PKNOX2: variants seen among roughly 807,000 people sequenced by gnomAD.
PKNOX2 encodes the protein homeobox protein PKNOX2.
Under a neutral mutation model 53.1 loss-of-function variants are expected in PKNOX2, and 14 were observed. That is an observed-to-expected ratio of 0.26 (90% CI 0.17 to 0.41). PKNOX2 has a LOEUF of 0.41. PKNOX2 is among the 10% of genes least tolerant of loss of function. The pLI is 1.00. For missense variants in PKNOX2, 496 were observed against 602.8 expected (o/e 0.82, Z 1.85); for synonymous variants, 257 against 242.8 (o/e 1.06, Z -0.54).
At chr11:125,340,450 T>C (rs1349844289) in intron 3 of PKNOX2, among the ~76,000 whole-genome samples, 1 of 152,188 alleles carries the variant, frequency 6.6e-6, no homozygotes, top group African/African-American at 2.4e-5. Context: ...GACTCTGGGA[T>C]CAGACTGTGT....
chr11:125,198,845 T>C (rs970370411), intron 1 of PKNOX2, among the ~76,000 whole-genome samples: 1 of 148,830 alleles, frequency 6.7e-6, no homozygotes, highest in African/African-American at 2.6e-5. Flanking sequence ...CTTCTTCTTT[T>C]TTTTTTTTTT....
chr11:125,195,384 C>T (rs1013346303), intron 1 of PKNOX2, among the ~76,000 whole-genome samples: 3 of 152,002 alleles, frequency 2.0e-5, no homozygotes, highest in Admixed American at 6.6e-5. Context: ...TATTATAAAA[C>T]GAAAAGTTTT....
chr11:125,245,494 C>G (rs775999581), intron 2 of PKNOX2, among the ~76,000 whole-genome samples: 7 of 152,226 alleles, frequency 4.6e-5, no homozygotes, highest in African/African-American at 7.2e-5. Context: ...ACTTGGAGCT[C>G]TCTCTCAAAT....
chr11:125,228,911 G>T (rs1941954678), intron 1 of PKNOX2, among the ~76,000 whole-genome samples: 2 of 152,286 alleles, frequency 1.3e-5, no homozygotes, highest in Admixed American at 1.3e-4. Context: ...GGAAATAAAA[G>T]GAGGGGGTGC....
intron 6 of PKNOX2, among the ~76,000 whole-genome samples, chr11:125,387,928 G>C (rs79580950): frequency 0.014 from 2,100 of 152,130 alleles, 51 homozygotes; most frequent in East Asian, 0.043. Context: ...TTCCTCATCT[G>C]TAGATCTAAC....
At chr11:125,359,886 T>C (rs1294696866) in intron 4 of PKNOX2, among the ~76,000 whole-genome samples, 1 of 152,208 alleles carries the variant, frequency 6.6e-6, no homozygotes, top group East Asian at 1.9e-4. Context: ...GGAGTGTCTG[T>C]GCTTTTTTTA....
chr11:125,341,081 G>T (rs1291911456), intron 3 of PKNOX2, among the ~76,000 whole-genome samples: 1 of 147,248 alleles, frequency 6.8e-6, no homozygotes, highest in Non-Finnish European at 1.5e-5. Context: ...AAGTAAGCCG[G>T]CCAGGCACAG....
intron 2 of PKNOX2, among the ~76,000 whole-genome samples, chr11:125,261,997 G>A (rs913611143): frequency 3.3e-5 from 5 of 152,210 alleles, no homozygotes; most frequent in Non-Finnish European, 7.3e-5. Context: ...AGGAGGGTGC[G>A]GGGATGCAGA....
Position 125,165,652 on chromosome 11 carries a change from C to T in PKNOX2, c.-201+876C>T, listed in dbSNP as rs1310854345. Among the ~76,000 whole-genome samples, 1 of 152,164 alleles carries T rather than the reference C, an allele frequency of 6.6e-6. No homozygotes were observed. The highest frequency in any genetic ancestry group is 1.5e-5 in the Non-Finnish European group (1 of 68,018). ...ATCCGAGGGGCTACACGCACGGACC[C>T]TCACCCAGGGAGGAGCGAGAATGTG... On this transcript the variant is annotated intron_variant, in intron 1 of 12. Coordinates refer to ENST00000298282, the MANE Select transcript of PKNOX2 (RefSeq NM_001382323.2). The surrounding 1 kb of genome is among the most constrained non-coding windows in gnomAD (Gnocchi z 4.5).
chr11:125,423,991 T>TA (rs1466318981), intron 10 of PKNOX2, among the ~76,000 whole-genome samples: 1 of 152,232 alleles, frequency 6.6e-6, no homozygotes, highest in East Asian at 1.9e-4. Flanking sequence ...TGATTCCATT[T>TA]ACATCAGGTT....
chr11:125,178,340 C>T (rs1042648914), intron 1 of PKNOX2, among the ~76,000 whole-genome samples: 1 of 151,628 alleles, frequency 6.6e-6, no homozygotes, highest in Admixed American at 6.6e-5. Context: ...GGAGAAATCC[C>T]GTCTCTACTA....
At chr11:125,349,519 C>T (rs1018270539) in intron 3 of PKNOX2, among the ~76,000 whole-genome samples, 8 of 152,158 alleles carry the variant, frequency 5.3e-5, no homozygotes, top group African/African-American at 1.9e-4. Flanking sequence ...GCGGTGAGGC[C>T]GACGGAACCG....
chr11:125,221,899 C>T (rs1030341763), intron 1 of PKNOX2, among the ~76,000 whole-genome samples: 7 of 152,194 alleles, frequency 4.6e-5, no homozygotes, highest in East Asian at 1.9e-4. Context: ...ACTGCCCGCC[C>T]GGGCTGTAGA....
intron 10 of PKNOX2, among the ~76,000 whole-genome samples, chr11:125,416,830 C>G (rs937642162): frequency 6.6e-6 from 1 of 152,016 alleles, no homozygotes; most frequent in Non-Finnish European, 1.5e-5. Flanking sequence ...TTCCCTGGGG[C>G]ATAAGTTTGT....
chr11:125,299,469 G>A (rs1242029906), intron 2 of PKNOX2, among the ~76,000 whole-genome samples: 1 of 151,774 alleles, frequency 6.6e-6, no homozygotes, highest in African/African-American at 2.4e-5. Flanking sequence ...AGAGCTGACT[G>A]AGGCCAGGGA....
intron 2 of PKNOX2, among the ~76,000 whole-genome samples, chr11:125,287,281 G>A (rs542328250): frequency 7.9e-5 from 12 of 152,282 alleles, no homozygotes; most frequent in African/African-American, 2.6e-4. Flanking sequence ...ACAACACCGT[G>A]CTGTTTAGAA....
intron 2 of PKNOX2, among the ~76,000 whole-genome samples, chr11:125,255,436 A>C (rs1944337447): frequency 6.6e-6 from 1 of 152,194 alleles, no homozygotes; most frequent in Admixed American, 6.5e-5. Context: ...GTGGGTCCTG[A>C]GGCCCTTGAC....
chr11:125,195,806 G>T (rs1159894321), intron 1 of PKNOX2, among the ~76,000 whole-genome samples: 3 of 151,790 alleles, frequency 2.0e-5, no homozygotes, highest in Non-Finnish European at 4.4e-5. Flanking sequence ...GAATGTCAGG[G>T]TTCTTAAAGT....
At chr11:125,271,126 C>T (rs1255212263) in intron 2 of PKNOX2, among the ~76,000 whole-genome samples, 2 of 152,128 alleles carry the variant, frequency 1.3e-5, no homozygotes, top group African/African-American at 4.8e-5. Flanking sequence ...TCACAGTTCC[C>T]TGCCCCACCA....
Sources: allele counts gnomAD v4.1 joint callset (sites outside exome capture counted in the v4.1 genomes callset), GRCh38; gene constraint gnomAD v4.1.1; non-coding constraint Gnocchi (gnomAD v3.1); transcripts MANE v1.5; gene names NCBI Gene and HGNC (gene_info 2026-07-23, HGNC 2026-07-21).